PPFIA2: variants seen among roughly 807,000 people sequenced by gnomAD.
PPFIA2 encodes the protein PPFI scaffold protein A2.
PPFIA2 carries 46 observed loss-of-function variants against 175.5 expected under a neutral mutation model. The ratio of observed to expected loss-of-function variants is 0.26; its 90% CI spans 0.21 to 0.34. The LOEUF (loss-of-function observed/expected upper bound fraction) is 0.34. Among genes scored for constraint, PPFIA2 ranks in the 10% least tolerant of loss-of-function variants. The pLI is 1.00. For synonymous variants in PPFIA2, 568 were observed against 511.4 expected (o/e 1.11, Z -1.49); for missense variants, 1,179 against 1,506.1 (o/e 0.78, Z 3.60).
intron 4 of PPFIA2, among the ~76,000 whole-genome samples, chr12:81,501,961 A>T (rs2060641211): frequency 6.6e-6 from 1 of 152,102 alleles, no homozygotes; most frequent in Non-Finnish European, 1.5e-5. Flanking sequence ...TGGCGGTGGG[A>T]GAGTTTCATA....
At position 81,405,890 on chromosome 12, in the gene PPFIA2, C is replaced by T. The variant is rs370654615; in HGVS notation, c.659G>A (p.Arg220His). The T allele has an allele frequency of 3.1e-5, 48 of 1,560,602 alleles. No individual in the cohort carries two copies. The East Asian group carries it at 3.5e-4, about 11-fold the overall frequency. Reference protein sequence around the residue: ...AAANQEIVALREQNVHIQRKM... With the variant: ...AAANQEIVALHEQNVHIQRKM... ...TCTTTGTATATGAACATTTTGTTCACGCAAGGCAACAATCTGCAAAATAAA... is the reference window on the plus strand; with the variant it reads ...TCTTTGTATATGAACATTTTGTTCATGCAAGGCAACAATCTGCAAAATAAA... The change falls in exon 8 of 33, where the codon CGT (arginine) becomes CAT (histidine). Residue 220 changes from arginine (R) to histidine (H), a missense_variant. Arg to His is a conservative substitution (Grantham distance 29). Around this residue, in one of 10 missense-constraint regions of PPFIA2, gnomAD observed 226 missense variants for 216.6 expected, o/e 1.04. Coordinates refer to ENST00000549396, the MANE Select transcript of PPFIA2 (RefSeq NM_003625.5).
intron 4 of PPFIA2, among the ~76,000 whole-genome samples, chr12:81,541,544 G>C (rs977006847): frequency 6.6e-6 from 1 of 152,028 alleles, no homozygotes; most frequent in Non-Finnish European, 1.5e-5. Context: ...CAGGTTCTAT[G>C]CCAATTTGGA....
chr12:81,639,001 T>C (rs1312664235), intron 4 of PPFIA2, among the ~76,000 whole-genome samples: 1 of 152,180 alleles, frequency 6.6e-6, no homozygotes, highest in Non-Finnish European at 1.5e-5. Flanking sequence ...TTGTCATAAA[T>C]TTTCTTTCCC....
At chr12:81,281,516 A>G (rs908346423) in intron 26 of PPFIA2, 66 bp from the exon 27 acceptor site, 2 of 1,070,734 alleles carry the variant, frequency 1.9e-6, no homozygotes, top group East Asian at 2.5e-5. Flanking sequence ...GGATAATATT[A>G]CCTATTATTA....
chr12:81,294,889 T>G lies in PPFIA2; in HGVS notation c.2871A>C (p.Ala957=), dbSNP rs1015716460. Residue 957 remains alanine, a synonymous_variant, in exon 24 of 33, where the codon GCA becomes GCC. Coordinates refer to ENST00000549396, the MANE Select transcript of PPFIA2 (RefSeq NM_003625.5). ...NPLHRLKLRL[A]IQEMVSLTSP... ...TTGTTAGGGAAACCATCTCCTGGATTGCTAATCGAAGTTTTAAGCGATGCA... is the reference window on the plus strand; with the variant it reads ...TTGTTAGGGAAACCATCTCCTGGATGGCTAATCGAAGTTTTAAGCGATGCA... The G allele has an allele frequency of 1.2e-6, 2 of 1,613,588 alleles. No homozygotes were observed. The highest frequency in any genetic ancestry group is 1.7e-6 in the Non-Finnish European group (2 of 1,179,714).
chr12:81,335,481 G>A (rs1340003587), intron 21 of PPFIA2, among the ~76,000 whole-genome samples: 3 of 152,162 alleles, frequency 2.0e-5, no homozygotes, highest in African/African-American at 4.8e-5. Context: ...AGTGGCTCAT[G>A]CTTGTAATCC....
At chr12:81,503,112 C>A (rs577463511) in intron 4 of PPFIA2, among the ~76,000 whole-genome samples, 1 of 152,184 alleles carries the variant, frequency 6.6e-6, no homozygotes. Context: ...AATAACACTT[C>A]TTTCTCTCTG....
intron 24 of PPFIA2, among the ~76,000 whole-genome samples, chr12:81,286,132 TAAAG>T (rs2043299710): frequency 6.6e-6 from 1 of 152,016 alleles, no homozygotes; most frequent in South Asian, 2.1e-4. Flanking sequence ...GACAAGGATA[TAAAG>T]AAAGATATTA....
intron 2 of PPFIA2, among the ~76,000 whole-genome samples, chr12:81,755,691 T>C (rs2084532517): frequency 6.6e-6 from 1 of 152,144 alleles, no homozygotes; most frequent in Non-Finnish European, 1.5e-5. Context: ...ATTGATAACC[T>C]ATATTAAAAA....
intron 4 of PPFIA2, among the ~76,000 whole-genome samples, chr12:81,671,441 A>C (rs901594415): frequency 1.1e-4 from 17 of 151,988 alleles, no homozygotes; most frequent in Admixed American, 6.6e-5. Context: ...CTAGGGAGAC[A>C]GACAAAAAAA....
chr12:81,569,327 T>C (rs2072014995), intron 4 of PPFIA2, among the ~76,000 whole-genome samples: 1 of 152,178 alleles, frequency 6.6e-6, no homozygotes, highest in Non-Finnish European at 1.5e-5. Context: ...AAAATTGCTA[T>C]TTTAAGATGA....
At chr12:81,573,669 C>T (rs1213664191) in intron 4 of PPFIA2, among the ~76,000 whole-genome samples, 1 of 151,738 alleles carries the variant, frequency 6.6e-6, no homozygotes, top group Non-Finnish European at 1.5e-5. Flanking sequence ...CCTCTATCTC[C>T]CCAACTATGA....
At chr12:81,624,518 ATACATAT>A (rs1211507028) in intron 4 of PPFIA2, among the ~76,000 whole-genome samples, 2 of 146,808 alleles carry the variant, frequency 1.4e-5, no homozygotes, top group Admixed American at 6.9e-5. Flanking sequence ...TATATGTATA[ATACATAT>A]TACATATGTA....
chr12:81,445,591 A>C lies in PPFIA2; in HGVS notation c.535T>G (p.Ser179Ala), dbSNP rs752155495. ...AAGGCCTTGTGGTGCTCAAACAAAGATTTCAGTGCCTTGAGAACTTCAACT... is the reference window on the plus strand; with the variant it reads ...AAGGCCTTGTGGTGCTCAAACAAAGCTTTCAGTGCCTTGAGAACTTCAACT... ...SEVEVLKALK[S>A]LFEHHKALDE... Residue 179 changes from serine (S) to alanine (A), a missense_variant, in exon 6 of 33, where the codon TCT (serine) becomes GCT (alanine). Ser to Ala is a moderately conservative substitution (Grantham distance 99). Around this residue, in one of 10 missense-constraint regions of PPFIA2, gnomAD observed 49 missense variants for 108.9 expected, o/e 0.45. Coordinates refer to ENST00000549396, the MANE Select transcript of PPFIA2 (RefSeq NM_003625.5). The C allele has an allele frequency of 1.9e-6, 3 of 1,613,762 alleles. No homozygotes were observed. Among genetic ancestry groups the C allele is most frequent in the Non-Finnish European group, 2.5e-6 (3 of 1,179,820 alleles).
intron 8 of PPFIA2, among the ~76,000 whole-genome samples, chr12:81,404,529 T>C (rs960957938): frequency 6.6e-6 from 1 of 152,196 alleles, no homozygotes; most frequent in Non-Finnish European, 1.5e-5. Context: ...GTTTATTTAG[T>C]TGAAGGAAAG....
At chr12:81,474,235 C>A (rs2057174268) in intron 4 of PPFIA2, among the ~76,000 whole-genome samples, 1 of 152,164 alleles carries the variant, frequency 6.6e-6, no homozygotes, top group South Asian at 2.1e-4. Context: ...CGGCTCACTG[C>A]AACCTCCACC....
intron 4 of PPFIA2, among the ~76,000 whole-genome samples, chr12:81,535,782 C>T (rs562348269): frequency 1.3e-5 from 2 of 151,670 alleles, no homozygotes; most frequent in Non-Finnish European, 3.0e-5. Context: ...GGAAAATTTA[C>T]AGGAATGTAT....
At position 81,511,535 on chromosome 12, in the gene PPFIA2, T is replaced by C. The variant is rs1423253183; in HGVS notation, c.304-53669A>G. On this transcript the variant is annotated intron_variant, in intron 4 of 32. Coordinates refer to ENST00000549396, the MANE Select transcript of PPFIA2 (RefSeq NM_003625.5). Reference sequence around the variant, plus strand: ...AAAAAGGACTGTACAGGATTATATCTACCAGTAGATTTCAAATACACAAAA... The same window carrying C: ...AAAAAGGACTGTACAGGATTATATCCACCAGTAGATTTCAAATACACAAAA... Among the ~76,000 whole-genome samples the C allele has an allele frequency of 5.3e-5, 8 of 152,226 alleles. No homozygotes were observed. The South Asian group carries it at 1.0e-3, about 20-fold the overall frequency.
chr12:81,347,099 A>AT (rs1215464157), intron 18 of PPFIA2, among the ~76,000 whole-genome samples: 1 of 145,264 alleles, frequency 6.9e-6, no homozygotes, highest in Non-Finnish European at 1.5e-5. Flanking sequence ...CACCCAGCTA[A>AT]TTTTTTTCTT....
Sources: allele counts gnomAD v4.1 joint callset (sites outside exome capture counted in the v4.1 genomes callset), GRCh38; gene constraint gnomAD v4.1.1; regional missense constraint gnomAD v4.1.1; transcripts MANE v1.5; gene names NCBI Gene and HGNC (gene_info 2026-07-23, HGNC 2026-07-21).